AMPD3: variants seen among roughly 807,000 people sequenced by gnomAD.
The protein encoded by AMPD3 is AMP deaminase 3.
AMPD3 carries 57 observed loss-of-function variants against 82.3 expected under a neutral mutation model. The observed-to-expected ratio is 0.69, with a 90% CI of 0.56 to 0.86. The LOEUF is 0.86. AMPD3 is among the 40% of genes least tolerant of loss of function. The probability of loss-of-function intolerance (pLI) is 0.00; values close to 1 mark genes in which losing one functional copy is unlikely to be tolerated. For missense variants in AMPD3, 870 were observed against 1,003.8 expected, an observed-to-expected ratio of 0.87 and a Z score of 1.80; for synonymous variants, 381 against 394.7, an observed-to-expected ratio of 0.97 and a Z score of 0.41.
At position 10,494,894 on chromosome 11, in the gene AMPD3, C is replaced by T. The variant is rs202231572; in HGVS notation, c.1135-5C>T. 230 of 1,613,840 alleles carry T rather than the reference C, an allele frequency of 1.4e-4. No homozygotes were observed. Among genetic ancestry groups the T allele is most frequent in the East Asian group, 2.2e-4 (10 of 44,894 alleles). On this transcript the variant is annotated splice_region_variant and splice_polypyrimidine_tract_variant and intron_variant, in intron 7 of 14. Transcript: ENST00000396553. ...TGCGTTGATTGGTGTGGTCTCCCCC[C>T]TCAGGGCCGGCAGACATTCCACCGC...
chr11:10,504,160 A>G (rs77104696), intron 13 of AMPD3: 82,996 of 927,098 alleles, frequency 0.09, 4,181 homozygotes, highest in South Asian at 0.25. Context: ...TTATCTATCT[A>G]TCATCTATCT....
In AMPD3 at chr11:10,482,718, G is replaced by T. The variant is rs1258384370; in HGVS notation, c.589+493G>T. On this transcript the variant is annotated intron_variant, in intron 4 of 14. Transcript: ENST00000396553. The stretch of plus-strand genomic sequence containing the variant: ...ATTATTATGTTTTGTAGAGATGGGG[G>T]TCTTACCATGTTGCCCAGGCTGGTC... Among the ~76,000 whole-genome samples, 6 of 152,082 alleles carry T rather than the reference G, an allele frequency of 3.9e-5. No homozygotes were observed. The East Asian group carries it at 7.7e-4, about 20-fold the overall frequency.
intron 4 of AMPD3, chr11:10,484,047 G>A (rs7107588): frequency 1.3e-5 from 2 of 153,564 alleles, no homozygotes; most frequent in Admixed American, 6.5e-5. Flanking sequence ...TTCATTATTT[G>A]TAGTGCATTA....
upstream of AMPD3, among the ~76,000 whole-genome samples, chr11:10,453,566 T>C (rs530788481): frequency 6.6e-6 from 1 of 150,702 alleles, no homozygotes; most frequent in East Asian, 2.0e-4. Flanking sequence ...GGGAGGAGAG[T>C]GATATCTTTC....
intron 6 of AMPD3, among the ~76,000 whole-genome samples, chr11:10,491,210 G>A (rs892954722): frequency 6.6e-6 from 1 of 152,212 alleles, no homozygotes; most frequent in Non-Finnish European, 1.5e-5. Flanking sequence ...TGAGGCTGCT[G>A]TCGTCCTCCC....
chr11:10,471,118 T>C (rs571463868), intron 2 of AMPD3, among the ~76,000 whole-genome samples: 1 of 152,274 alleles, frequency 6.6e-6, no homozygotes, highest in Non-Finnish European at 1.5e-5. Flanking sequence ...AACAGATATA[T>C]AGACCAATGG....
intron 1 of AMPD3, among the ~76,000 whole-genome samples, chr11:10,457,380 C>T (rs894309386): frequency 1.3e-5 from 2 of 152,062 alleles, no homozygotes; most frequent in Non-Finnish European, 2.9e-5. Flanking sequence ...GTTAATGTTA[C>T]TCTATGATCC....
At chr11:10,492,250 C>G (rs1022026678) in intron 6 of AMPD3, among the ~76,000 whole-genome samples, 1 of 152,236 alleles carries the variant, frequency 6.6e-6, no homozygotes, top group Admixed American at 6.5e-5. Flanking sequence ...GCTGACTGTT[C>G]ATTTCTGCTT....
intron 2 of AMPD3, among the ~76,000 whole-genome samples, chr11:10,468,175 C>T (rs1053626461): frequency 1.3e-5 from 2 of 152,158 alleles, no homozygotes; most frequent in African/African-American, 4.8e-5. Context: ...CAATATTAGC[C>T]TTAAATGTAA....
At chr11:10,458,563 C>A (rs1038782063) in intron 1 of AMPD3, among the ~76,000 whole-genome samples, 13 of 152,110 alleles carry the variant, frequency 8.5e-5, no homozygotes, top group Non-Finnish European at 1.6e-4. Context: ...TAAAGGGATG[C>A]ATTTTCCTTT....
At position 10,505,848 on chromosome 11, in the gene AMPD3, T is replaced by A; in HGVS notation, c.2268T>A (p.Ala756=). 2 of 1,614,198 alleles carry A rather than the reference T, an allele frequency of 1.2e-6. No individual in the cohort carries two copies. The highest frequency in any genetic ancestry group is 1.7e-6 in the Non-Finnish European group (2 of 1,180,036). The change falls in exon 15 of 15, where the codon GCT becomes GCA. Residue 756 remains alanine (A), a synonymous_variant. Transcript: ENST00000396553. ...ATGAGCTCAGCTTCCTGTCTGATGCTATGAAATCAGAAGAGATCACCGCCT... is the reference window on the plus strand; with the variant it reads ...ATGAGCTCAGCTTCCTGTCTGATGCAATGAAATCAGAAGAGATCACCGCCT... ...LCNELSFLSD[A]MKSEEITALT... is the part of the protein sequence containing the mutation.
chr11:10,455,020 A>G (rs1222987038), upstream of AMPD3: 2 of 452,994 alleles, frequency 4.4e-6, no homozygotes. Flanking sequence ...TGCTCTGTGC[A>G]CACAGGAATT....
chr11:10,500,382 CCA>C, intron 11 of AMPD3, 133 bp downstream of exon 11: 1 of 1,262,024 alleles, frequency 7.9e-7, no homozygotes, highest in Non-Finnish European at 1.1e-6. Flanking sequence ...GTCCATGTGC[CCA>C]CACACCTCAA....
intron 10 of AMPD3, chr11:10,499,448 C>A: frequency 6.4e-6 from 1 of 155,462 alleles, no homozygotes; most frequent in Non-Finnish European, 1.4e-5. Context: ...GAACTCCTGA[C>A]CTCGTGATCT....
At chr11:10,487,386 A>C in intron 6 of AMPD3, 22 bp downstream of exon 6, 2 of 1,613,628 alleles carry the variant, frequency 1.2e-6, no homozygotes, top group Non-Finnish European at 1.7e-6. Flanking sequence ...GCGAGTGTTC[A>C]CAGCTGCCTC....
At chr11:10,486,591 C>T (rs1170961064) in intron 5 of AMPD3, 1 of 985,256 alleles carries the variant, frequency 1.0e-6, no homozygotes, top group Non-Finnish European at 1.2e-6. Context: ...AATATCCCTA[C>T]AGTCCCAATC....
intron 2 of AMPD3, among the ~76,000 whole-genome samples, chr11:10,466,067 G>C (rs1848412024): frequency 6.6e-6 from 1 of 152,072 alleles, no homozygotes; most frequent in Non-Finnish European, 1.5e-5. Context: ...TTCAAGACCA[G>C]CCTGGCCAAC....
intron 5 of AMPD3, among the ~76,000 whole-genome samples, chr11:10,485,344 TGAA>T (rs1849037330): frequency 6.6e-6 from 1 of 152,138 alleles, no homozygotes; most frequent in Non-Finnish European, 1.5e-5. Flanking sequence ...CCTCCTGGGT[TGAA>T]GTGATTCTCT....
chr11:10,487,093 G>A (rs946702871), intron 5 of AMPD3, 142 bp from the exon 6 acceptor site: 5 of 1,562,286 alleles, frequency 3.2e-6, no homozygotes, highest in Admixed American at 1.7e-5. Flanking sequence ...AGCAGGGTCT[G>A]TAGAAAGCCA....
Sources: allele counts gnomAD v4.1 joint callset (sites outside exome capture counted in the v4.1 genomes callset), GRCh38; gene constraint gnomAD v4.1.1; transcripts MANE v1.5; gene names NCBI Gene and HGNC (gene_info 2026-07-23, HGNC 2026-07-21).